SLCO3A1: variants seen among roughly 807,000 people sequenced by gnomAD.
The protein encoded by SLCO3A1 is PGE1 transporter.
In SLCO3A1, 27 loss-of-function variants were observed where a neutral mutation model predicts 63.1. That is an observed-to-expected ratio of 0.43 (90% CI 0.32 to 0.59). SLCO3A1 has a LOEUF of 0.59. Among genes scored for constraint, SLCO3A1 ranks in the 20% least tolerant of loss-of-function variants. The probability of loss-of-function intolerance (pLI) is 0.09; values close to 1 mark genes in which losing one functional copy is unlikely to be tolerated. For missense variants in SLCO3A1, 773 were observed against 945.8 expected, an observed-to-expected ratio of 0.82 and a Z score of 2.40; for synonymous variants, 473 against 409.9, an observed-to-expected ratio of 1.15 and a Z score of -1.86.
chr15:92,098,985 G>T (rs775118089), intron 3 of SLCO3A1, among the ~76,000 whole-genome samples: 1 of 152,320 alleles, frequency 6.6e-6, no homozygotes, highest in African/African-American at 2.4e-5. Flanking sequence ...TGACCTCAAA[G>T]CCCCACTCTT....
At chr15:91,908,311 G>T (rs1341354783) in intron 1 of SLCO3A1, among the ~76,000 whole-genome samples, 1 of 151,174 alleles carries the variant, frequency 6.6e-6, no homozygotes, top group Non-Finnish European at 1.5e-5. Flanking sequence ...GCTTTTTAAA[G>T]AAAAATGGTT....
At chr15:92,062,508 T>C (rs2047098992) in intron 2 of SLCO3A1, among the ~76,000 whole-genome samples, 1 of 152,160 alleles carries the variant, frequency 6.6e-6, no homozygotes, top group Non-Finnish European at 1.5e-5. Context: ...GGGGTTCGTG[T>C]GGTCAAGTTT....
intron 2 of SLCO3A1, among the ~76,000 whole-genome samples, chr15:91,993,206 G>C (rs1160528772): frequency 1.3e-5 from 2 of 152,176 alleles, no homozygotes; most frequent in Admixed American, 6.5e-5. Flanking sequence ...ACTAGTCTTT[G>C]TACGAATTGC....
chr15:91,968,921 C>T lies in SLCO3A1; in HGVS notation c.646+52463C>T. Among the ~76,000 whole-genome samples, 1 of 152,202 alleles carries T rather than the reference C, an allele frequency of 6.6e-6. No individual in the cohort carries two copies. The highest frequency in any genetic ancestry group is 1.9e-4 in the East Asian group (1 of 5,194). On this transcript the variant is annotated intron_variant, in intron 2 of 9. Coordinates refer to ENST00000318445, the MANE Select transcript of SLCO3A1 (RefSeq NM_013272.4). This position sits in a 1 kb window ranked among gnomAD's most constrained non-coding sequence, Gnocchi z 4.2. ...GGGATCTGGCAAACTCGTGTTGCTC[C>T]ATGTAGAGTCAGCTCAGAGGTCCCT... is the stretch of plus-strand genomic sequence containing the variant.
At chr15:92,172,133 C>T (rs929008944) in exon 11 of SLCO3A1, 2 of 356,018 alleles carry the variant, frequency 5.6e-6, no homozygotes, top group African/African-American at 2.1e-5. Context: ...TGCAAATTCC[C>T]TTCCACCCAT....
intron 2 of SLCO3A1, among the ~76,000 whole-genome samples, chr15:91,943,654 C>T (rs1048726937): frequency 3.0e-4 from 45 of 152,086 alleles, no homozygotes; most frequent in Non-Finnish European, 1.8e-4. Context: ...TTCGAGGAAC[C>T]GCCATACTGT....
chr15:91,906,158 C>G (rs900126879), intron 1 of SLCO3A1, among the ~76,000 whole-genome samples: 1 of 152,156 alleles, frequency 6.6e-6, no homozygotes, highest in Non-Finnish European at 1.5e-5. Context: ...GTAAAGCGCT[C>G]CATACTGGAC....
In SLCO3A1 at chr15:91,942,815, C is replaced by G. The variant is rs1290037526; in HGVS notation, c.646+26357C>G. Among the ~76,000 whole-genome samples, 1 of 152,152 alleles carries G rather than the reference C, an allele frequency of 6.6e-6. No homozygotes were observed. The highest frequency in any genetic ancestry group is 1.9e-4 in the East Asian group (1 of 5,162). ...GACCTAAAGTGATCAGGTCACTGAT[C>G]ACTCCTCCCAAGGAGCTGGAATTAC... On this transcript the variant is annotated intron_variant, in intron 2 of 9. Coordinates refer to ENST00000318445, the MANE Select transcript of SLCO3A1 (RefSeq NM_013272.4). The surrounding 1 kb of genome is among the most constrained non-coding windows in gnomAD (Gnocchi z 4.1).
Position 91,926,596 on chromosome 15 carries a change from T to TGTGTGTGTGTGTGTGG in SLCO3A1, c.646+10139_646+10140insTGTGTGTGTGTGTGGG. Among the ~76,000 whole-genome samples, 223 of 105,314 alleles carry TGTGTGTGTGTGTGTGG rather than the reference T, an allele frequency of 2.1e-3. 2 individuals are homozygous for TGTGTGTGTGTGTGTGG. The highest frequency in any genetic ancestry group is 7.9e-3 in the African/African-American group (216 of 27,394). The allele number at this position is 105,314 out of a possible 152,430, so 69.1% of individuals were successfully genotyped here. On this transcript the variant is annotated intron_variant, in intron 2 of 9. Coordinates refer to ENST00000318445, the MANE Select transcript of SLCO3A1 (RefSeq NM_013272.4). ...GTGTGTGTGTGTGTGTGTGTGTGTGTGCGCGCGCGCACGCCCATGCTTATT... is the reference window on the plus strand; with the variant it reads ...GTGTGTGTGTGTGTGTGTGTGTGTGTGTGTGTGTGTGTGTGGGCGCGCGCGCACGCCCATGCTTATT...
intron 8 of SLCO3A1, among the ~76,000 whole-genome samples, chr15:92,148,564 G>GTGGCAAAACTGAC (rs1279408128): frequency 6.6e-6 from 1 of 152,182 alleles, no homozygotes; most frequent in Non-Finnish European, 1.5e-5. Context: ...TTGCAAGGCT[G>GTGGCAAAACTGAC]TGGCAAAACT....
intron 1 of SLCO3A1, among the ~76,000 whole-genome samples, chr15:91,911,392 C>T (rs780020595): frequency 1.1e-4 from 17 of 152,212 alleles, no homozygotes; most frequent in South Asian, 2.1e-4. Flanking sequence ...TTGTTAGAAA[C>T]GCATAGTCTA....
rs79076381 is a variant in SLCO3A1 at position 92,147,170 on chromosome 15, G to C, written c.1688+11G>C. Reference sequence around the variant, plus strand: ...CATCATCCTCATCAGGTAAGCCCTCGGCACAGCCCCGCCTCTCCTCCTTTC... The same window carrying C: ...CATCATCCTCATCAGGTAAGCCCTCCGCACAGCCCCGCCTCTCCTCCTTTC... On this transcript the variant is annotated intron_variant, in intron 8 of 9. Coordinates refer to ENST00000318445, the MANE Select transcript of SLCO3A1 (RefSeq NM_013272.4). 8 of 1,603,090 alleles carry C rather than the reference G, an allele frequency of 5.0e-6. No homozygotes were observed. The highest frequency in any genetic ancestry group is 1.7e-4 in the Middle Eastern group (1 of 6,034).
At chr15:91,884,511 C>CA (rs776448274) in intron 1 of SLCO3A1, among the ~76,000 whole-genome samples, 48,786 of 102,048 alleles carry the variant, frequency 0.48, 10,392 homozygotes, top group Middle Eastern at 0.61. Context: ...GATTCTGTCT[C>CA]AAAAAAAAAA....
intron 2 of SLCO3A1, among the ~76,000 whole-genome samples, chr15:91,955,966 T>C (rs946675456): frequency 1.3e-5 from 2 of 152,100 alleles, no homozygotes; most frequent in Non-Finnish European, 2.9e-5. Flanking sequence ...TTTTTACTAT[T>C]ATTACTGTTA....
chr15:91,975,335 C>T (rs1597177720), intron 2 of SLCO3A1, among the ~76,000 whole-genome samples: 1 of 152,184 alleles, frequency 6.6e-6, no homozygotes, highest in East Asian at 1.9e-4. Context: ...TCCACCCCAC[C>T]CCCTTGTCCC....
chr15:92,031,057 T>C (rs1042845980), intron 2 of SLCO3A1, among the ~76,000 whole-genome samples: 1 of 150,870 alleles, frequency 6.6e-6, no homozygotes, highest in East Asian at 1.9e-4. Context: ...GGGGAGGATG[T>C]TTCATCAATG....
In SLCO3A1 at chr15:91,900,649, C is replaced by A. The variant is rs1423250200; in HGVS notation, c.181-15344C>A. 6.6e-6 allele frequency among the ~76,000 whole-genome samples: 1 copy of A among 152,182 alleles called. No individual in the cohort carries two copies. The highest frequency in any genetic ancestry group is 1.5e-5 in the Non-Finnish European group (1 of 68,032). On this transcript the variant is annotated intron_variant, in intron 1 of 9. Transcript: ENST00000318445. This position sits in a 1 kb window ranked among gnomAD's most constrained non-coding sequence, Gnocchi z 4.3. ...TGGCCTGTTTGTATTTTTCATTATACACATTCTACTGGGTGGGTAGTGGTA... is the reference window on the plus strand; with the variant it reads ...TGGCCTGTTTGTATTTTTCATTATAAACATTCTACTGGGTGGGTAGTGGTA...
At position 92,104,495 on chromosome 15, in the gene SLCO3A1, A is replaced by T; in HGVS notation, c.962A>T (p.His321Leu). 4 of 1,613,832 alleles carry T rather than the reference A, an allele frequency of 2.5e-6. No homozygotes were observed. In the African/African-American group the frequency reaches 5.3e-5, roughly 22 times the overall value. Residue 321 changes from histidine (H) to leucine (L), a missense_variant, in exon 4 of 10, where the codon CAC becomes CTC. By Grantham distance (99) the His-to-Leu change is moderately conservative. This residue lies in a region of SLCO3A1 where 565 missense variants were observed against 749.8 expected (regional missense o/e 0.75). Transcript: ENST00000318445. ...AAGCCCAGCAACGGGGTCCTGAGGC[A>T]CCCCCTGGAGCCAGACAGCAGTGCC... ...RPKPSNGVLR[H>L]PLEPDSSASC...
intron 2 of SLCO3A1, among the ~76,000 whole-genome samples, chr15:92,073,360 A>T (rs1039532960): frequency 6.6e-6 from 1 of 152,194 alleles, no homozygotes; most frequent in East Asian, 1.9e-4. Context: ...TTGAGATGTT[A>T]TGGAAACACT....
Sources: allele counts gnomAD v4.1 joint callset (sites outside exome capture counted in the v4.1 genomes callset), GRCh38; gene constraint gnomAD v4.1.1; regional missense constraint gnomAD v4.1.1; non-coding constraint Gnocchi (gnomAD v3.1); transcripts MANE v1.5; gene names NCBI Gene and HGNC (gene_info 2026-07-23, HGNC 2026-07-21).